UNC13C: variants seen among roughly 807,000 people sequenced by gnomAD.
UNC13C encodes the protein unc-13 homolog C.
A neutral mutation model predicts 245.4 loss-of-function variants in UNC13C; 174 were observed. The observed-to-expected ratio is 0.71, with a 90% CI of 0.63 to 0.80. The LOEUF is 0.80. Ranked by LOEUF, UNC13C falls within the 30% of genes least tolerant of loss-of-function variation. The pLI, the probability that UNC13C is intolerant of heterozygous loss-of-function variation, is 0.00. For missense variants in UNC13C, 2,829 were observed against 2,602.9 expected, an observed-to-expected ratio of 1.09 and a Z score of -1.89; for synonymous variants, 992 against 895.1, an observed-to-expected ratio of 1.11 and a Z score of -1.93.
chr15:54,120,189 G>A (rs2099174), intron 2 of UNC13C, among the ~76,000 whole-genome samples: 54,803 of 151,992 alleles, frequency 0.36, 10,067 homozygotes, highest in African/African-American at 0.41. Flanking sequence ...ACAGAAGTCA[G>A]TGCCTGGCTT....
chr15:54,259,718 C>T (rs899202678), intron 8 of UNC13C, among the ~76,000 whole-genome samples: 5 of 152,162 alleles, frequency 3.3e-5, no homozygotes, highest in African/African-American at 9.7e-5. Context: ...TATATTTCTT[C>T]CATTTATAGT....
intron 26 of UNC13C, among the ~76,000 whole-genome samples, chr15:54,537,413 C>A (rs1427704815): frequency 4.6e-5 from 7 of 151,762 alleles, no homozygotes; most frequent in Admixed American, 4.6e-4. Flanking sequence ...ACTACCAAAG[C>A]AACTTACAGT....
chr15:54,444,411 A>G (rs1246358595), intron 19 of UNC13C, among the ~76,000 whole-genome samples: 2 of 151,672 alleles, frequency 1.3e-5, no homozygotes, highest in African/African-American at 2.4e-5. Context: ...GAGTCTATAT[A>G]TGTCAGATAA....
At chr15:54,056,713 A>G (rs925056610) in intron 2 of UNC13C, among the ~76,000 whole-genome samples, 3 of 152,190 alleles carry the variant, frequency 2.0e-5, no homozygotes, top group Admixed American at 1.3e-4. Flanking sequence ...CCAGAGAGAA[A>G]GGTCGGGTTA....
At chr15:54,239,646 C>T (rs2035799773) in intron 7 of UNC13C, among the ~76,000 whole-genome samples, 1 of 152,012 alleles carries the variant, frequency 6.6e-6, no homozygotes, top group South Asian at 2.1e-4. Flanking sequence ...GAGACAGGGT[C>T]TCACTCTGTT....
intron 19 of UNC13C, among the ~76,000 whole-genome samples, chr15:54,485,575 G>T (rs571996919): frequency 2.0e-5 from 3 of 152,138 alleles, no homozygotes; most frequent in African/African-American, 7.2e-5. Flanking sequence ...GATAGCAACC[G>T]AAGTCATGTT....
the UNC13C span, among the ~76,000 whole-genome samples, chr15:53,944,982 TG>T: frequency 1.3e-5 from 2 of 152,224 alleles, no homozygotes; most frequent in Non-Finnish European, 2.9e-5. Context: ...TGTACCTCAC[TG>T]TGGTTTTAAT....
At chr15:54,083,657 T>C (rs755600286) in intron 2 of UNC13C, among the ~76,000 whole-genome samples, 17 of 152,148 alleles carry the variant, frequency 1.1e-4, no homozygotes, top group Middle Eastern at 3.2e-3. Context: ...CTTCATTTCC[T>C]TTGTCCCAAA....
chr15:54,054,551 A>G (rs1016106459), intron 2 of UNC13C, among the ~76,000 whole-genome samples: 1 of 152,326 alleles, frequency 6.6e-6, no homozygotes, highest in African/African-American at 2.4e-5. Flanking sequence ...TAGGATCATT[A>G]AGCTGGATGT....
intron 5 of UNC13C, among the ~76,000 whole-genome samples, chr15:54,235,386 A>G (rs12907862): frequency 0.49 from 75,085 of 152,020 alleles, 19,930 homozygotes; most frequent in African/African-American, 0.68. Context: ...CACACAGCAT[A>G]CCAAGCAAGT....
chr15:53,916,749 T>G, the UNC13C span, among the ~76,000 whole-genome samples: 3 of 152,154 alleles, frequency 2.0e-5, no homozygotes, highest in Non-Finnish European at 4.4e-5. Flanking sequence ...CTCATGCACT[T>G]TAGAAAGGTT....
intron 19 of UNC13C, among the ~76,000 whole-genome samples, chr15:54,425,567 T>G (rs2040743126): frequency 6.6e-6 from 1 of 151,852 alleles, no homozygotes; most frequent in Non-Finnish European, 1.5e-5. Context: ...GTAGTCCCTC[T>G]TAGTGCTACT....
intron 19 of UNC13C, among the ~76,000 whole-genome samples, chr15:54,424,250 A>T (rs1011005906): frequency 2.0e-5 from 3 of 151,996 alleles, no homozygotes; most frequent in African/African-American, 4.8e-5. Context: ...TCGGTAAAAA[A>T]ATCTGTGACT....
intron 13 of UNC13C, among the ~76,000 whole-genome samples, chr15:54,305,577 CTGT>C (rs1160882696): frequency 7.2e-5 from 11 of 151,942 alleles, no homozygotes; most frequent in Non-Finnish European, 1.6e-4. Flanking sequence ...AGGTATTTTT[CTGT>C]TGTTCTGAAA....
intron 4 of UNC13C, among the ~76,000 whole-genome samples, chr15:54,159,489 C>A (rs2032887664): frequency 6.6e-6 from 1 of 152,192 alleles, no homozygotes; most frequent in Non-Finnish European, 1.5e-5. Flanking sequence ...GCACTGTTTC[C>A]TTGTGCATGT....
chr15:53,928,521 C>A, the UNC13C span, among the ~76,000 whole-genome samples: 1 of 152,132 alleles, frequency 6.6e-6, no homozygotes, highest in Non-Finnish European at 1.5e-5. Flanking sequence ...TTGTTTATGG[C>A]CAGTTTTGGG....
chr15:53,852,616 A>C, the UNC13C span, among the ~76,000 whole-genome samples: 2 of 152,038 alleles, frequency 1.3e-5, no homozygotes, highest in South Asian at 4.2e-4. Flanking sequence ...CTTCCAGATC[A>C]CTCTCACCCC....
chr15:54,477,795 CT>C (rs1395622044), intron 19 of UNC13C, among the ~76,000 whole-genome samples: 1 of 148,582 alleles, frequency 6.7e-6, no homozygotes, highest in Non-Finnish European at 1.5e-5. Context: ...CTCTGCCCGG[CT>C]TTGGTATCAG....
the UNC13C span, among the ~76,000 whole-genome samples, chr15:53,949,330 C>G: frequency 2.6e-5 from 4 of 152,080 alleles, no homozygotes; most frequent in African/African-American, 7.2e-5. Flanking sequence ...AGACTTGCAG[C>G]TGTTTAAAAA....
Sources: gnomAD v4.1 joint callset for allele counts (sites outside exome capture counted in the v4.1 genomes callset) on GRCh38, gnomAD v4.1.1 for gene constraint, MANE v1.5 for transcripts, NCBI Gene and HGNC (gene_info 2026-07-23, HGNC 2026-07-21) for gene names.